The following SMURF2 variants were observed in gnomAD, a reference collection of about 807,000 sequenced individuals.
SMURF2 encodes SMAD specific E3 ubiquitin protein ligase 2, also known as E3 ubiquitin-protein ligase SMURF2.
A neutral mutation model predicts 109.6 loss-of-function variants in SMURF2; 48 were observed. The ratio of observed to expected loss-of-function variants is 0.44; its 90% CI spans 0.35 to 0.56. SMURF2 has a LOEUF of 0.56. SMURF2 is among the 20% of genes least tolerant of loss of function. The probability of loss-of-function intolerance (pLI) is 0.01; values close to 1 mark genes in which losing one functional copy is unlikely to be tolerated. For synonymous variants in SMURF2, 288 were observed against 317.1 expected, an observed-to-expected ratio of 0.91 and a Z score of 0.97; for missense variants, 575 against 909.0, an observed-to-expected ratio of 0.63 and a Z score of 4.72.
chr17:64,626,081 AC>A (rs1555691149), intron 1 of SMURF2, among the ~76,000 whole-genome samples: 3 of 150,178 alleles, frequency 2.0e-5, no homozygotes, highest in Admixed American at 2.0e-4. Context: ...CGAGACCGAA[AC>A]CCCATCTCTA....
At chr17:64,550,774 A>AG (rs1969033412) in intron 16 of SMURF2, among the ~76,000 whole-genome samples, 2 of 151,524 alleles carry the variant, frequency 1.3e-5, no homozygotes, top group African/African-American at 2.4e-5. Flanking sequence ...AAAAAAAAAA[A>AG]AAAGAGAGAG....
chr17:64,571,517 T>G (rs991400542), intron 10 of SMURF2, among the ~76,000 whole-genome samples: 3 of 152,156 alleles, frequency 2.0e-5, no homozygotes, highest in Admixed American at 6.5e-5. Context: ...GCGATTCTCC[T>G]GCCTCAGTTT....
At chr17:64,591,011 T>G (rs1259935733) in intron 5 of SMURF2, 73 bp downstream of exon 5, 1 of 1,109,502 alleles carries the variant, frequency 9.0e-7, no homozygotes. Context: ...TATTATACTT[T>G]GATTTAAAAG....
intron 12 of SMURF2, among the ~76,000 whole-genome samples, chr17:64,558,450 C>G (rs546648189): frequency 2.7e-4 from 41 of 151,826 alleles, no homozygotes; most frequent in Non-Finnish European, 5.7e-4. Context: ...ACTCCTATCA[C>G]GACCAGTTTA....
Position 64,543,620 on chromosome 17 carries a change from A to G in SMURF2, c.*2228T>C, listed in dbSNP as rs1057392041. ...TATTAAGTCATTAGTATAAAGTTAAAAAGGCACTCAAAAAGCAATGGTATT... is the reference window on the plus strand; with the variant it reads ...TATTAAGTCATTAGTATAAAGTTAAGAAGGCACTCAAAAAGCAATGGTATT... On this transcript the variant is annotated 3_prime_UTR_variant, in exon 19 of 19. Transcript: ENST00000262435. 2 of 152,206 alleles carry G rather than the reference A, an allele frequency of 1.3e-5. No individual in the cohort carries two copies. Among genetic ancestry groups the G allele is most frequent in the Non-Finnish European group, 2.9e-5 (2 of 68,030 alleles). 9.4% of individuals were successfully genotyped at this position (152,206 alleles called of 1,614,324 possible).
At chr17:64,637,147 G>A (rs1400663486) in intron 1 of SMURF2, among the ~76,000 whole-genome samples, 1 of 146,268 alleles carries the variant, frequency 6.8e-6, no homozygotes, top group African/African-American at 2.6e-5. Flanking sequence ...TTTTTTTTGA[G>A]ACACAGTCTT....
chr17:64,640,397 T>C (rs1033486327), intron 1 of SMURF2, among the ~76,000 whole-genome samples: 9 of 152,126 alleles, frequency 5.9e-5, no homozygotes, highest in Non-Finnish European at 1.0e-4. Flanking sequence ...AGATTGGCCT[T>C]TTCAAGAAAT....
intron 1 of SMURF2, among the ~76,000 whole-genome samples, chr17:64,616,654 C>CA (rs376620328): frequency 0.098 from 8,264 of 84,708 alleles, 338 homozygotes; most frequent in Admixed American, 0.22. Flanking sequence ...GACTCTGTCT[C>CA]AAAAAAAAAA....
chr17:64,587,624 G>A (rs1969682149), intron 5 of SMURF2, among the ~76,000 whole-genome samples: 1 of 151,978 alleles, frequency 6.6e-6, no homozygotes, highest in South Asian at 2.1e-4. Context: ...TTCAAAGAAG[G>A]GTCTCAAAAT....
At chr17:64,642,239 A>G (rs1555692620) in intron 1 of SMURF2, among the ~76,000 whole-genome samples, 1 of 152,228 alleles carries the variant, frequency 6.6e-6, no homozygotes, top group African/African-American at 2.4e-5. Flanking sequence ...GCTTCCAAGT[A>G]TCTAAGGGAT....
intron 10 of SMURF2, among the ~76,000 whole-genome samples, chr17:64,570,737 TCA>T (rs1219913059): frequency 8.5e-5 from 13 of 152,180 alleles, no homozygotes; most frequent in African/African-American, 2.7e-4. Flanking sequence ...AGTAGCTAAC[TCA>T]CAGAGTTTTT....
In SMURF2 at chr17:64,545,783, C is replaced by T. The variant is rs1172520563; in HGVS notation, c.*65G>A. ...GTATTTCAGCATATTCTTTGAAACT[C>T]TGCTGAAAGGAGGCTGTCAGTCAGG... On this transcript the variant is annotated 3_prime_UTR_variant, in exon 19 of 19. Transcript: ENST00000262435. 2.2e-5 allele frequency: 12 copies of T among 541,086 alleles called. No individual in the cohort carries two copies. The highest frequency in any genetic ancestry group is 3.3e-5 in the Non-Finnish European group (10 of 298,522). 33.5% of individuals were successfully genotyped at this position (541,086 alleles called of 1,614,324 possible).
chr17:64,587,884 T>C (rs58143898), intron 5 of SMURF2, among the ~76,000 whole-genome samples: 14,143 of 152,068 alleles, frequency 0.093, 1,533 homozygotes, highest in African/African-American at 0.26. Flanking sequence ...TTTAGAATAA[T>C]AGTAAGATTC....
intron 1 of SMURF2, among the ~76,000 whole-genome samples, chr17:64,643,193 T>C (rs939027309): frequency 2.0e-5 from 3 of 152,022 alleles, no homozygotes; most frequent in African/African-American, 7.2e-5. Context: ...CAGCTAATTT[T>C]TGTTTTTTTG....
rs1043958111 is a variant in SMURF2 at position 64,544,588 on chromosome 17, G to T, written c.*1260C>A. On this transcript the variant is annotated 3_prime_UTR_variant, in exon 19 of 19. Coordinates refer to ENST00000262435, the MANE Select transcript of SMURF2 (RefSeq NM_022739.4). The stretch of plus-strand genomic sequence containing the variant: ...CGCACCTTGAAAGCTAAATCTGGAC[G>T]TTTCAAAATCAGATGCAGATCTTCA... 1.3e-5 allele frequency: 2 copies of T among 152,094 alleles called. No homozygotes were observed. Among genetic ancestry groups the T allele is most frequent in the Non-Finnish European group, 2.9e-5 (2 of 68,010 alleles). The allele number at this position is 152,094 out of a possible 1,614,324, so 9.4% of individuals were successfully genotyped here.
chr17:64,632,468 C>G (rs1187537752), intron 1 of SMURF2, among the ~76,000 whole-genome samples: 1 of 152,110 alleles, frequency 6.6e-6, no homozygotes, highest in African/African-American at 2.4e-5. Flanking sequence ...TCTATTAAAC[C>G]AAATCCATTT....
intron 7 of SMURF2, among the ~76,000 whole-genome samples, chr17:64,582,837 G>C (rs1278386270): frequency 6.6e-6 from 1 of 151,978 alleles, no homozygotes; most frequent in African/African-American, 2.4e-5. Context: ...GACCTCAAGT[G>C]ATCCGCCCAC....
intron 1 of SMURF2, among the ~76,000 whole-genome samples, chr17:64,632,154 T>C (rs183229659): frequency 7.2e-4 from 109 of 152,212 alleles, no homozygotes; most frequent in Non-Finnish European, 1.2e-3. Context: ...AGACGGGGTT[T>C]CACTATGTTG....
chr17:64,547,544 C>T lies in SMURF2; in HGVS notation c.2071+56G>A, dbSNP rs1555683226. On this transcript the variant is annotated intron_variant, in intron 17 of 18. Transcript: ENST00000262435. This position sits in a 1 kb window ranked among gnomAD's most constrained non-coding sequence, Gnocchi z 4.2. ...TTACAAAATATCTCCACAGACCCCA[C>T]GCTGACAGCCCCGCCCCCACCCGCT... 8.8e-6 allele frequency: 13 copies of T among 1,479,362 alleles called. No individual in the cohort carries two copies. Among genetic ancestry groups the T allele is most frequent in the African/African-American group, 5.5e-5 (4 of 72,184 alleles). 91.6% of individuals were successfully genotyped at this position (1,479,362 alleles called of 1,614,324 possible).
Sources: gnomAD v4.1 joint callset for allele counts (sites outside exome capture counted in the v4.1 genomes callset) on GRCh38, gnomAD v4.1.1 for gene constraint, Gnocchi (gnomAD v3.1) non-coding constraint, MANE v1.5 for transcripts, NCBI Gene and HGNC (gene_info 2026-07-23, HGNC 2026-07-21) for gene names.